The following CDH11 variants were observed in gnomAD, a reference collection of about 807,000 sequenced individuals.
CDH11 encodes the protein cadherin 11, also known as cadherin-11.
In CDH11, 11 loss-of-function variants were observed where a neutral mutation model predicts 67.8. The ratio of observed to expected loss-of-function variants is 0.16; its 90% confidence interval spans 0.10 to 0.27. The LOEUF (loss-of-function observed/expected upper bound fraction) is 0.27, where lower values mean the gene tolerates loss of function less well. CDH11 is among the 10% of genes least tolerant of loss of function. The pLI is 1.00. For missense variants in CDH11, 847 were observed against 1,031.2 expected (o/e 0.82, Z 2.45); for synonymous variants, 419 against 400.0 (o/e 1.05, Z -0.57).
intron 6 of CDH11, 22 bp downstream of exon 6, chr16:64,991,746 A>G: frequency 1.3e-6 from 2 of 1,590,066 alleles, no homozygotes; most frequent in East Asian, 4.5e-5. Context: ...TGGAAAAGTG[A>G]AAGCCAAGTC....
chr16:65,021,677 T>C (rs1254721086), intron 2 of CDH11, among the ~76,000 whole-genome samples: 1 of 150,422 alleles, frequency 6.6e-6, no homozygotes, highest in Non-Finnish European at 1.5e-5. Flanking sequence ...AATACCAGAC[T>C]CTAGGCAGGA....
rs144399849 is a variant in CDH11 at position 64,977,916 on chromosome 16, G to A, written c.1253+4132C>T. 2.2e-3 allele frequency among the ~76,000 whole-genome samples: 342 copies of A among 152,308 alleles called. 3 individuals carry two copies. Among genetic ancestry groups the A allele is most frequent in the African/African-American group, 7.6e-3 (314 of 41,556 alleles). On this transcript the variant is annotated intron_variant, in intron 8 of 12. Transcript: ENST00000268603. The stretch of plus-strand genomic sequence containing the variant: ...ATCTCTCTTTTCCTCAGAAGAATCA[G>A]TGTTCAAAGATCCAAAAGCAACCCA...
At chr16:65,099,562 G>A (rs1241333430) in intron 1 of CDH11, among the ~76,000 whole-genome samples, 1 of 152,138 alleles carries the variant, frequency 6.6e-6, no homozygotes, top group Non-Finnish European at 1.5e-5. Context: ...CAAAAGCTAT[G>A]TTCTGAGACT....
At chr16:65,101,475 A>C (rs1015048286) in intron 1 of CDH11, among the ~76,000 whole-genome samples, 5 of 152,172 alleles carry the variant, frequency 3.3e-5, no homozygotes, top group African/African-American at 4.8e-5. Context: ...TGTGATACTA[A>C]TATCTTGCCC....
At chr16:65,107,983 G>C (rs1453447026) in intron 1 of CDH11, among the ~76,000 whole-genome samples, 1 of 152,174 alleles carries the variant, frequency 6.6e-6, no homozygotes, top group Non-Finnish European at 1.5e-5. Flanking sequence ...CAGCCTATTA[G>C]GGAAAATTTG....
At chr16:65,078,270 T>C (rs1167671416) in intron 1 of CDH11, among the ~76,000 whole-genome samples, 1 of 152,216 alleles carries the variant, frequency 6.6e-6, no homozygotes, top group African/African-American at 2.4e-5. Flanking sequence ...TTTCCATGTG[T>C]AGAAAAACAG....
chr16:64,974,917 G>T lies in CDH11; in HGVS notation c.1254-1877C>A, dbSNP rs146943135. ...CAACTTCATAATCTGCTACATATAA[G>T]CTAGATGATATTGGAAAAGCCACTT... On this transcript the variant is annotated intron_variant, in intron 8 of 12. Transcript: ENST00000268603. 2.2e-3 allele frequency among the ~76,000 whole-genome samples: 341 copies of T among 152,284 alleles called. 3 individuals carry two copies. The highest frequency in any genetic ancestry group is 7.5e-3 in the African/African-American group (313 of 41,554).
At chr16:64,957,709 T>A (rs2071557357) in intron 11 of CDH11, among the ~76,000 whole-genome samples, 1 of 151,778 alleles carries the variant, frequency 6.6e-6, no homozygotes, top group African/African-American at 2.4e-5. Context: ...AGTGTGTGAC[T>A]AAAATTTCTT....
intron 8 of CDH11, among the ~76,000 whole-genome samples, chr16:64,976,292 G>T (rs1044124144): frequency 7.2e-5 from 11 of 152,072 alleles, no homozygotes; most frequent in Non-Finnish European, 1.5e-4. Flanking sequence ...GAAGACATCA[G>T]GTACAGTGTT....
At chr16:65,011,890 T>C (rs2073191746) in intron 2 of CDH11, among the ~76,000 whole-genome samples, 1 of 152,216 alleles carries the variant, frequency 6.6e-6, no homozygotes, top group Admixed American at 6.5e-5. Context: ...TCATTTGTGG[T>C]ATCAAAGGCC....
rs113552026 is a variant in CDH11, at chr16:64,973,577, G to A, written c.1254-537C>T. ...TCCCAGCACTTTGGGAGGCCAAGGC[G>A]GATGGATCATTTGAGGCCAGGAGTT... On this transcript the variant is annotated intron_variant, in intron 8 of 12. Transcript: ENST00000268603. Among the ~76,000 whole-genome samples, 176 of 152,224 alleles carry A rather than the reference G, an allele frequency of 1.2e-3. 1 individual carries two copies. Among genetic ancestry groups the A allele is most frequent in the Admixed American group, 3.1e-3 (47 of 15,284 alleles).
At chr16:65,030,724 C>T (rs1372578178) in intron 2 of CDH11, among the ~76,000 whole-genome samples, 1 of 152,206 alleles carries the variant, frequency 6.6e-6, no homozygotes, top group Non-Finnish European at 1.5e-5. Context: ...GAGCATGCCA[C>T]TGAGCCTGGC....
chr16:65,109,010 G>A (rs113150498), intron 1 of CDH11, among the ~76,000 whole-genome samples: 166 of 152,268 alleles, frequency 1.1e-3, no homozygotes, highest in African/African-American at 3.6e-3. Flanking sequence ...AGCTGGGTGT[G>A]GTGGTGCATG....
chr16:65,105,687 G>A (rs1597202123), intron 1 of CDH11, among the ~76,000 whole-genome samples: 1 of 152,254 alleles, frequency 6.6e-6, no homozygotes, highest in Non-Finnish European at 1.5e-5. Context: ...TCTCTGCTTT[G>A]CATCCAAATC....
chr16:64,947,520 T>G lies in CDH11; in HGVS notation c.*83A>C. The G allele has an allele frequency of 6.6e-7, 1 of 1,517,954 alleles. No individual in the cohort carries two copies. 94.0% of individuals were successfully genotyped at this position (1,517,954 alleles called of 1,614,324 possible). A position where few individuals can be genotyped will look rare whatever the true frequency, so the allele number is the denominator to read the frequency against. On this transcript the variant is annotated 3_prime_UTR_variant, in exon 13 of 13. Transcript: ENST00000268603. ...TGTTTTAAATGAGCCTTTCCTTGATTTAAAAAAATACCTGTTTACACATCT... is the reference window on the plus strand; with the variant it reads ...TGTTTTAAATGAGCCTTTCCTTGATGTAAAAAAATACCTGTTTACACATCT...
In CDH11 at chr16:64,988,197, G is replaced by T. The variant is rs373083222; in HGVS notation, c.959C>A (p.Thr320Lys). ...CACCCCCTCCTGTGTTTCATAGTCC[G>T]TTGTGATTTCAAACGATTCCATACC... ...GDGMESFEITTDYETQEGVIK... is the reference protein window; with the variant it reads ...GDGMESFEITKDYETQEGVIK... The change falls in exon 7 of 13, where the codon ACG becomes AAG. Residue 320 changes from threonine to lysine, a missense_variant. By Grantham distance (78) the Thr-to-Lys change is moderately conservative. Transcript: ENST00000268603. 1 of 1,612,558 alleles carries T rather than the reference G, an allele frequency of 6.2e-7. No homozygotes were observed. Among genetic ancestry groups the T allele is most frequent in the East Asian group, 2.2e-5 (1 of 44,814 alleles).
chr16:65,041,709 C>T (rs1048064936), intron 2 of CDH11, among the ~76,000 whole-genome samples: 1 of 152,158 alleles, frequency 6.6e-6, no homozygotes, highest in African/African-American at 2.4e-5. Context: ...TTTTATTCTC[C>T]GCGTTTGCTT....
chr16:65,001,524 T>C (rs574911798), intron 3 of CDH11, among the ~76,000 whole-genome samples: 4 of 152,278 alleles, frequency 2.6e-5, no homozygotes, highest in Admixed American at 2.0e-4. Flanking sequence ...ATAAATAAAA[T>C]GCTGACTTTA....
rs116571498 is a variant in CDH11 at position 65,042,313 on chromosome 16, A to C, written c.-173+11491T>G. 4.6e-3 allele frequency among the ~76,000 whole-genome samples: 699 copies of C among 152,310 alleles called. 4 individuals are homozygous for C. The highest frequency in any genetic ancestry group is 0.016 in the African/African-American group (664 of 41,568). On this transcript the variant is annotated intron_variant, in intron 2 of 12. Transcript: ENST00000268603. ...ATTGTGATTGCTGCTGTGAAGAATT[A>C]GACACAATGAGGAAGTGTCCAATGA...
Sources: gnomAD v4.1 joint callset for allele counts (sites outside exome capture counted in the v4.1 genomes callset) on GRCh38, gnomAD v4.1.1 for gene constraint, MANE v1.5 for transcripts, NCBI Gene and HGNC (gene_info 2026-07-23, HGNC 2026-07-21) for gene names.